Variants in RASGEF1C observed in about 807,000 individuals in gnomAD.
The protein encoded by RASGEF1C is ras-GEF domain-containing family member 1C.
A neutral mutation model predicts 58.1 loss-of-function variants in RASGEF1C; 27 were observed. That is an observed-to-expected ratio of 0.46 (90% CI 0.34 to 0.64). The LOEUF is 0.64. RASGEF1C is among the 30% of genes least tolerant of loss of function. The pLI, the probability that RASGEF1C is intolerant of heterozygous loss-of-function variation, is 0.01. For synonymous variants in RASGEF1C, 243 were observed against 246.3 expected (o/e 0.99, Z 0.13); for missense variants, 502 against 605.1 (o/e 0.83, Z 1.79).
At chr5:180,122,435 G>A (rs1329650227) in intron 6 of RASGEF1C, among the ~76,000 whole-genome samples, 3 of 152,296 alleles carry the variant, frequency 2.0e-5, no homozygotes, top group East Asian at 3.9e-4. Flanking sequence ...TAACCTAAAT[G>A]TGTTTGTTAA....
At chr5:180,189,347 A>G (rs996188640) in intron 1 of RASGEF1C, among the ~76,000 whole-genome samples, 2 of 152,246 alleles carry the variant, frequency 1.3e-5, no homozygotes, top group African/African-American at 4.8e-5. Context: ...GTTTTCCCAA[A>G]TGGATCTATA....
intron 1 of RASGEF1C, among the ~76,000 whole-genome samples, chr5:180,182,483 C>G (rs571329857): frequency 1.3e-5 from 2 of 152,316 alleles, no homozygotes; most frequent in South Asian, 4.1e-4. Context: ...CCGCTGTTGG[C>G]TGGGATGGCC....
intron 1 of RASGEF1C, among the ~76,000 whole-genome samples, chr5:180,181,974 C>T (rs560047899): frequency 2.6e-5 from 4 of 151,394 alleles, no homozygotes; most frequent in Non-Finnish European, 4.4e-5. Context: ...GAGGCCGAGA[C>T]GGGCGGATCA....
chr5:180,113,608 T>C lies in RASGEF1C; in HGVS notation c.1179+838A>G, dbSNP rs1468989786. On this transcript the variant is annotated intron_variant, in intron 11 of 13. Coordinates refer to ENST00000361132, the MANE Select transcript of RASGEF1C (RefSeq NM_175062.4). The stretch of plus-strand genomic sequence containing the variant: ...GAGGGATCGGGGATGGACGGAGGGA[T>C]CGGGGATGGACGGAGGGATCCGGGG... Among the ~76,000 whole-genome samples the C allele has an allele frequency of 1.5e-3, 89 of 58,652 alleles. 7 individuals carry two copies. Among genetic ancestry groups the C allele is most frequent in the Non-Finnish European group, 1.9e-3 (61 of 31,488 alleles). The allele number at this position is 58,652 out of a possible 152,430, so 38.5% of individuals were successfully genotyped here. A position where few individuals can be genotyped will look rare whatever the true frequency, so the allele number is the denominator to read the frequency against.
At chr5:180,180,587 C>T (rs1581123230) in intron 1 of RASGEF1C, among the ~76,000 whole-genome samples, 1 of 152,368 alleles carries the variant, frequency 6.6e-6, no homozygotes, top group African/African-American at 2.4e-5. Context: ...GGAGCAAAGC[C>T]GCTGCCCCAG....
chr5:180,131,810 A>G (rs891565328), intron 4 of RASGEF1C, among the ~76,000 whole-genome samples: 2 of 152,248 alleles, frequency 1.3e-5, no homozygotes, highest in Non-Finnish European at 1.5e-5. Flanking sequence ...TTTTTTAAAA[A>G]CACAGATACT....
At chr5:180,189,706 G>A (rs1756109623) in intron 1 of RASGEF1C, among the ~76,000 whole-genome samples, 1 of 151,626 alleles carries the variant, frequency 6.6e-6, no homozygotes, top group African/African-American at 2.4e-5. Flanking sequence ...TGGATCACCT[G>A]AGGTCAAAAG....
At chr5:180,123,000 T>C (rs954019599) in intron 6 of RASGEF1C, among the ~76,000 whole-genome samples, 8 of 152,030 alleles carry the variant, frequency 5.3e-5, no homozygotes, top group African/African-American at 1.9e-4. Flanking sequence ...TTTCAAGAGA[T>C]ACACTCCAAA....
chr5:180,165,340 A>G (rs561910638), intron 1 of RASGEF1C, among the ~76,000 whole-genome samples: 1 of 152,210 alleles, frequency 6.6e-6, no homozygotes, highest in African/African-American at 2.4e-5. Flanking sequence ...GTTTAGGTTC[A>G]TGGCAATGAT....
rs200754672 is a variant in RASGEF1C, at chr5:180,148,389, T to G, written c.-6-10331A>C. ...GGATTTACTCCTGCCATTTTGCTGTTTTTTTTTTTCTATTGCCTTGTATCT... is the reference window on the plus strand; with the variant it reads ...GGATTTACTCCTGCCATTTTGCTGTGTTTTTTTTTCTATTGCCTTGTATCT... On this transcript the variant is annotated intron_variant, in intron 1 of 13. Coordinates refer to ENST00000361132, the MANE Select transcript of RASGEF1C (RefSeq NM_175062.4). 2.9e-3 allele frequency among the ~76,000 whole-genome samples: 7 copies of G among 2,440 alleles called. No individual in the cohort carries two copies. In the Non-Finnish European group the frequency reaches 0.36, roughly 124 times the overall value. 1.6% of individuals were successfully genotyped at this position (2,440 alleles called of 152,430 possible). A position where few individuals can be genotyped will look rare whatever the true frequency, so the allele number is the denominator to read the frequency against.
intron 1 of RASGEF1C, among the ~76,000 whole-genome samples, chr5:180,165,255 T>C (rs1767000646): frequency 6.6e-6 from 1 of 152,236 alleles, no homozygotes; most frequent in South Asian, 2.1e-4. Context: ...CTTAAGACTT[T>C]ACAATTACTA....
chr5:180,181,630 C>T (rs1349267259), intron 1 of RASGEF1C, among the ~76,000 whole-genome samples: 3 of 152,166 alleles, frequency 2.0e-5, no homozygotes, highest in Non-Finnish European at 2.9e-5. Flanking sequence ...TAACAAGCCG[C>T]CAGAAGCTGG....
intron 1 of RASGEF1C, among the ~76,000 whole-genome samples, chr5:180,183,412 C>T (rs1020834034): frequency 1.1e-4 from 17 of 149,306 alleles, no homozygotes; most frequent in Admixed American, 1.1e-3. Context: ...AATAACACAG[C>T]AAAGGGATAT....
At chr5:180,136,055 C>T (rs1766466148) in intron 4 of RASGEF1C, among the ~76,000 whole-genome samples, 1 of 152,206 alleles carries the variant, frequency 6.6e-6, no homozygotes, top group Non-Finnish European at 1.5e-5. Context: ...GTGGCCAAGG[C>T]CCAGGACAGG....
chr5:180,140,074 C>T (rs1206667955), intron 1 of RASGEF1C, among the ~76,000 whole-genome samples: 3 of 152,164 alleles, frequency 2.0e-5, no homozygotes, highest in African/African-American at 4.8e-5. Flanking sequence ...AGGAGGCTCC[C>T]AGGGGACCTG....
chr5:180,109,905 G>A (rs867154185), intron 12 of RASGEF1C, among the ~76,000 whole-genome samples: 1 of 150,696 alleles, frequency 6.6e-6, no homozygotes, highest in Non-Finnish European at 1.5e-5. Context: ...AGTGTATAAG[G>A]AAACTCATTT....
At chr5:180,190,351 G>A (rs554350824) in intron 1 of RASGEF1C, among the ~76,000 whole-genome samples, 54 of 151,722 alleles carry the variant, frequency 3.6e-4, no homozygotes, top group Middle Eastern at 3.4e-3. Flanking sequence ...TTAGCCGGGC[G>A]TGGTGGCGGG....
At chr5:180,163,254 C>CTTTTTTTTTTTTTTTTTTTTTTTTTTT (rs1187829324) in intron 1 of RASGEF1C, among the ~76,000 whole-genome samples, 3 of 71,066 alleles carry the variant, frequency 4.2e-5, no homozygotes, top group African/African-American at 1.9e-4. Context: ...TTTTTTTTTC[C>CTTTTTTTTTTTTTTTTTTTTTTTTTTT]AGCCTATTGC....
chr5:180,183,209 C>T (rs1244544716), intron 1 of RASGEF1C, among the ~76,000 whole-genome samples: 2 of 152,178 alleles, frequency 1.3e-5, no homozygotes, highest in Admixed American at 1.3e-4. Context: ...AATTCTGCCA[C>T]CAGCCACATG....
Sources: allele counts gnomAD v4.1 joint callset (sites outside exome capture counted in the v4.1 genomes callset), GRCh38; gene constraint gnomAD v4.1.1; transcripts MANE v1.5; gene names NCBI Gene and HGNC (gene_info 2026-07-23, HGNC 2026-07-21).